PLCL1: variants seen among roughly 807,000 people sequenced by gnomAD.
PLCL1 encodes inactive phospholipase C-like protein 1.
In PLCL1, 41 loss-of-function variants were observed where a neutral mutation model predicts 84.4. The ratio of observed to expected loss-of-function variants is 0.49; its 90% CI spans 0.38 to 0.63. The LOEUF is 0.63. Ranked by LOEUF, PLCL1 falls within the 30% of genes least tolerant of loss-of-function variation. The pLI is 0.00. For missense variants in PLCL1, 1,206 were observed against 1,367.8 expected, an observed-to-expected ratio of 0.88 and a Z score of 1.87; for synonymous variants, 490 against 488.3, an observed-to-expected ratio of 1.00 and a Z score of -0.05.
chr2:198,104,395 TA>T (rs760859508), intron 5 of PLCL1, among the ~76,000 whole-genome samples: 1 of 152,078 alleles, frequency 6.6e-6, no homozygotes, highest in African/African-American at 2.4e-5. Flanking sequence ...GGCTGTGTAG[TA>T]TTCTGTGGTG....
chr2:197,881,943 G>T (rs1159425880), intron 1 of PLCL1, among the ~76,000 whole-genome samples: 1 of 151,840 alleles, frequency 6.6e-6, no homozygotes, highest in Non-Finnish European at 1.5e-5. Flanking sequence ...TAAATATTTT[G>T]TATTTATATG....
chr2:197,964,423 G>C (rs188745320), intron 1 of PLCL1, among the ~76,000 whole-genome samples: 1 of 152,044 alleles, frequency 6.6e-6, no homozygotes, highest in Non-Finnish European at 1.5e-5. Flanking sequence ...ATATAGACAT[G>C]CTACTGATTG....
intron 5 of PLCL1, among the ~76,000 whole-genome samples, chr2:198,144,938 G>C (rs1224539222): frequency 6.6e-6 from 1 of 152,184 alleles, no homozygotes; most frequent in Non-Finnish European, 1.5e-5. Flanking sequence ...TTAAGCTCCA[G>C]CTCTACCACT....
chr2:197,856,560 G>T (rs74977950), intron 1 of PLCL1, among the ~76,000 whole-genome samples: 2,262 of 152,182 alleles, frequency 0.015, 64 homozygotes, highest in African/African-American at 0.052. Flanking sequence ...ATGCAGTTAC[G>T]AATTATATAA....
At chr2:197,906,842 A>T (rs1688392520) in intron 1 of PLCL1, among the ~76,000 whole-genome samples, 1 of 152,104 alleles carries the variant, frequency 6.6e-6, no homozygotes. Context: ...ATGGGAGTTC[A>T]CTCATGATTT....
intron 1 of PLCL1, among the ~76,000 whole-genome samples, chr2:197,816,327 A>G (rs1690688271): frequency 2.6e-5 from 4 of 152,134 alleles, no homozygotes; most frequent in Admixed American, 2.6e-4. Flanking sequence ...TTTTAAGATT[A>G]AGGTTATATA....
intron 1 of PLCL1, among the ~76,000 whole-genome samples, chr2:198,074,043 A>G (rs1446979605): frequency 6.6e-6 from 1 of 152,202 alleles, no homozygotes; most frequent in East Asian, 1.9e-4. Context: ...CTACATGTAT[A>G]TATTACTGTA....
intron 1 of PLCL1, among the ~76,000 whole-genome samples, chr2:197,834,167 A>G (rs111243979): frequency 0.19 from 29,514 of 152,162 alleles, 2,924 homozygotes; most frequent in East Asian, 0.27. Flanking sequence ...ATTTAACTCA[A>G]GATGGATTAA....
In PLCL1 at chr2:198,006,716, T is replaced by C. The variant is rs1387848127; in HGVS notation, c.241-77042T>C. 8.5e-5 allele frequency among the ~76,000 whole-genome samples: 13 copies of C among 152,334 alleles called. No individual in the cohort carries two copies. In the East Asian group the frequency reaches 2.5e-3, roughly 29 times the overall value. On this transcript the variant is annotated intron_variant, in intron 1 of 5. Transcript: ENST00000428675. ...ATTCTGTCTTTGTGCTCTGGGCTTC[T>C]GTCTCTGTAGTGTTAATATTTCAAG... is the stretch of plus-strand genomic sequence containing the variant.
intron 1 of PLCL1, among the ~76,000 whole-genome samples, chr2:197,981,979 A>T (rs1011872421): frequency 6.6e-6 from 1 of 151,768 alleles, no homozygotes; most frequent in Non-Finnish European, 1.5e-5. Context: ...TATTTTAATT[A>T]TTTTAAGTTA....
chr2:197,946,475 A>T lies in PLCL1; in HGVS notation c.241-137283A>T, dbSNP rs138847389. On this transcript the variant is annotated intron_variant, in intron 1 of 5. Coordinates refer to ENST00000428675, the MANE Select transcript of PLCL1 (RefSeq NM_006226.4). ...GAAGTGAAAAATGGCAAGCAAAGAT[A>T]AGCAAAAGTCCTCATTATATTTTAA... Among the ~76,000 whole-genome samples, 572 of 152,110 alleles carry T rather than the reference A, an allele frequency of 3.8e-3. 5 individuals carry two copies. The highest frequency in any genetic ancestry group is 0.013 in the African/African-American group (545 of 41,440).
chr2:198,012,413 A>G (rs1159827418), intron 1 of PLCL1, among the ~76,000 whole-genome samples: 1 of 152,144 alleles, frequency 6.6e-6, no homozygotes, highest in Non-Finnish European at 1.5e-5. Context: ...GAGTGCAGTC[A>G]GTCAAGGCCA....
intron 1 of PLCL1, among the ~76,000 whole-genome samples, chr2:197,928,352 T>A (rs141169799): frequency 6.6e-6 from 1 of 152,312 alleles, no homozygotes; most frequent in Non-Finnish European, 1.5e-5. Context: ...AAGTACTAAC[T>A]ATGAAGAGCT....
At chr2:197,887,637 T>C (rs1687946824) in intron 1 of PLCL1, among the ~76,000 whole-genome samples, 1 of 152,172 alleles carries the variant, frequency 6.6e-6, no homozygotes, top group African/African-American at 2.4e-5. Context: ...AGCACAGTTA[T>C]GTTACATGAA....
At chr2:197,948,438 A>G (rs548139767) in intron 1 of PLCL1, among the ~76,000 whole-genome samples, 32 of 152,210 alleles carry the variant, frequency 2.1e-4, no homozygotes, top group African/African-American at 7.2e-4. Context: ...GCTAGCTGGG[A>G]TAGGATTATT....
chr2:198,137,848 G>A (rs887992074), intron 5 of PLCL1, among the ~76,000 whole-genome samples: 1 of 152,112 alleles, frequency 6.6e-6, no homozygotes, highest in Admixed American at 6.6e-5. Context: ...AATAGGTTCC[G>A]TAGGGGCAGG....
At chr2:198,030,349 G>C (rs185658945) in intron 1 of PLCL1, among the ~76,000 whole-genome samples, 1 of 152,078 alleles carries the variant, frequency 6.6e-6, no homozygotes, top group African/African-American at 2.4e-5. Context: ...TGAGCAGGGG[G>C]TGGGTAACAC....
intron 5 of PLCL1, among the ~76,000 whole-genome samples, chr2:198,144,739 G>T (rs532121045): frequency 1.3e-5 from 2 of 152,268 alleles, no homozygotes; most frequent in African/African-American, 4.8e-5. Context: ...TCCTGATTCT[G>T]GATGCTATCT....
At chr2:198,110,692 G>A (rs1045006769) in intron 5 of PLCL1, among the ~76,000 whole-genome samples, 1 of 151,850 alleles carries the variant, frequency 6.6e-6, no homozygotes, top group East Asian at 1.9e-4. Flanking sequence ...ATGAGATACT[G>A]TGGAGAGGGG....
Sources: gnomAD v4.1 joint callset for allele counts (sites outside exome capture counted in the v4.1 genomes callset) on GRCh38, gnomAD v4.1.1 for gene constraint, MANE v1.5 for transcripts, NCBI Gene and HGNC (gene_info 2026-07-23, HGNC 2026-07-21) for gene names.